The following SLC24A3 variants were observed in gnomAD, a reference collection of about 807,000 sequenced individuals.
The protein encoded by SLC24A3 is sodium/potassium/calcium exchanger 3.
A neutral mutation model predicts 75.8 loss-of-function variants in SLC24A3; 28 were observed. The ratio of observed to expected loss-of-function variants is 0.37; its 90% CI spans 0.27 to 0.51. SLC24A3 has a LOEUF of 0.51. SLC24A3 is among the 20% of genes least tolerant of loss of function. SLC24A3 has a pLI of 0.94. For synonymous variants in SLC24A3, 372 were observed against 334.1 expected (o/e 1.11, Z -1.24); for missense variants, 663 against 847.8 (o/e 0.78, Z 2.71).
chr20:19,507,960 C>A (rs973577501), intron 2 of SLC24A3, among the ~76,000 whole-genome samples: 1 of 152,170 alleles, frequency 6.6e-6, no homozygotes, highest in Admixed American at 6.5e-5. Context: ...TGACAGGGCT[C>A]CTGTCCTCAG....
Position 19,354,043 on chromosome 20 carries a change from G to C in SLC24A3, c.271+72956G>C, listed in dbSNP as rs188235054. On this transcript the variant is annotated intron_variant, in intron 2 of 16. Transcript: ENST00000328041. ...ATTTTATTCTAATAGCTCCAAACTA[G>C]AAAAATCCAGATGTCCTCCAACTGG... 7.4e-4 allele frequency among the ~76,000 whole-genome samples: 113 copies of C among 152,180 alleles called. 1 individual carries two copies. The highest frequency in any genetic ancestry group is 2.2e-3 in the African/African-American group (90 of 41,524).
intron 6 of SLC24A3, among the ~76,000 whole-genome samples, chr20:19,593,866 T>C (rs1028337567): frequency 1.4e-4 from 21 of 152,220 alleles, no homozygotes; most frequent in African/African-American, 4.6e-4. Context: ...GCCCAGAAAA[T>C]GCCTTCTTCC....
intron 2 of SLC24A3, among the ~76,000 whole-genome samples, chr20:19,352,275 T>G (rs1032937862): frequency 6.6e-6 from 1 of 152,158 alleles, no homozygotes. Context: ...TGAGGCCCTA[T>G]CCAGGGGGCC....
chr20:19,241,846 C>T (rs1982337543), intron 1 of SLC24A3, among the ~76,000 whole-genome samples: 2 of 152,172 alleles, frequency 1.3e-5, no homozygotes, highest in Admixed American at 6.5e-5. Context: ...CAATGGGGGT[C>T]ATTTTACTGC....
intron 6 of SLC24A3, among the ~76,000 whole-genome samples, chr20:19,638,450 A>C (rs1159164202): frequency 6.6e-6 from 1 of 152,202 alleles, no homozygotes; most frequent in Non-Finnish European, 1.5e-5. Context: ...ATTTTATTGA[A>C]TATGGGAATA....
At chr20:19,222,059 A>G (rs1015457869) in intron 1 of SLC24A3, among the ~76,000 whole-genome samples, 1 of 151,516 alleles carries the variant, frequency 6.6e-6, no homozygotes, top group Non-Finnish European at 1.5e-5. Flanking sequence ...TCTAATTTCT[A>G]TAGATTTTTT....
At chr20:19,550,878 G>T (rs1437004536) in intron 3 of SLC24A3, among the ~76,000 whole-genome samples, 1 of 152,192 alleles carries the variant, frequency 6.6e-6, no homozygotes, top group Non-Finnish European at 1.5e-5. Context: ...AGCAAATGAG[G>T]CCAGAGGTGA....
chr20:19,370,104 T>C (rs1985966208), intron 2 of SLC24A3, among the ~76,000 whole-genome samples: 1 of 149,408 alleles, frequency 6.7e-6, no homozygotes, highest in African/African-American at 2.6e-5. Context: ...TTAAAGCAAA[T>C]TAAATTCTTA....
chr20:19,462,397 C>T lies in SLC24A3; in HGVS notation c.272-53091C>T, dbSNP rs1296987120. The stretch of plus-strand genomic sequence containing the variant: ...GCCTCAGCCTCCCTAGTAGGGACTA[C>T]GGGCGCCTGACACCACGCCCGGCTA... On this transcript the variant is annotated intron_variant, in intron 2 of 16. Coordinates refer to ENST00000328041, the MANE Select transcript of SLC24A3 (RefSeq NM_020689.4). Among the ~76,000 whole-genome samples, 4 of 152,006 alleles carry T rather than the reference C, an allele frequency of 2.6e-5. No individual in the cohort carries two copies. The South Asian group carries it at 6.2e-4, about 24-fold the overall frequency.
intron 15 of SLC24A3, among the ~76,000 whole-genome samples, chr20:19,711,102 C>G (rs895166705): frequency 1.3e-5 from 2 of 150,564 alleles, no homozygotes; most frequent in African/African-American, 4.9e-5. Flanking sequence ...GGCACATAAA[C>G]ACATGCACAC....
chr20:19,308,616 C>T (rs761661142), intron 2 of SLC24A3, among the ~76,000 whole-genome samples: 4 of 152,176 alleles, frequency 2.6e-5, no homozygotes, highest in Non-Finnish European at 5.9e-5. Context: ...ATGCACTTCG[C>T]AAACCTTTAT....
At chr20:19,315,842 C>A (rs973069458) in intron 2 of SLC24A3, among the ~76,000 whole-genome samples, 1 of 152,204 alleles carries the variant, frequency 6.6e-6, no homozygotes, top group African/African-American at 2.4e-5. Flanking sequence ...AGCCTGTCCA[C>A]AACTGAAAAT....
chr20:19,506,591 G>T (rs112548460), intron 2 of SLC24A3, among the ~76,000 whole-genome samples: 1 of 152,198 alleles, frequency 6.6e-6, no homozygotes, highest in African/African-American at 2.4e-5. Context: ...TTACCCATCT[G>T]TAAATTGGGA....
At chr20:19,660,322 G>C (rs923117763) in intron 7 of SLC24A3, among the ~76,000 whole-genome samples, 1 of 149,030 alleles carries the variant, frequency 6.7e-6, no homozygotes, top group Admixed American at 6.7e-5. Flanking sequence ...CAAAGTCCAT[G>C]CCACCACGCT....
chr20:19,570,541 C>T (rs2031035940), intron 3 of SLC24A3, among the ~76,000 whole-genome samples: 1 of 152,106 alleles, frequency 6.6e-6, no homozygotes, highest in Non-Finnish European at 1.5e-5. Flanking sequence ...ATGCTAGGGA[C>T]CCCCATTTTA....
At chr20:19,671,770 G>C (rs1411098709) in intron 8 of SLC24A3, among the ~76,000 whole-genome samples, 1 of 152,148 alleles carries the variant, frequency 6.6e-6, no homozygotes, top group Admixed American at 6.5e-5. Flanking sequence ...GAGCTGGAGA[G>C]AGGTGTGGTG....
At chr20:19,455,913 G>T (rs560074786) in intron 2 of SLC24A3, among the ~76,000 whole-genome samples, 13 of 152,222 alleles carry the variant, frequency 8.5e-5, no homozygotes, top group Non-Finnish European at 1.6e-4. Context: ...CTTAAGTAAC[G>T]TTTATTAGGC....
chr20:19,593,295 A>T (rs762301703), intron 6 of SLC24A3, among the ~76,000 whole-genome samples: 5 of 152,188 alleles, frequency 3.3e-5, no homozygotes, highest in Non-Finnish European at 7.4e-5. Context: ...ATTGAACCAA[A>T]GCCAGGTCAC....
intron 2 of SLC24A3, among the ~76,000 whole-genome samples, chr20:19,470,433 C>G (rs566801667): frequency 6.6e-6 from 1 of 152,274 alleles, no homozygotes; most frequent in East Asian, 1.9e-4. Flanking sequence ...GCCCAAGAAT[C>G]AACAGAGTGT....
Sources: gnomAD v4.1 joint callset for allele counts (sites outside exome capture counted in the v4.1 genomes callset) on GRCh38, gnomAD v4.1.1 for gene constraint, MANE v1.5 for transcripts, NCBI Gene and HGNC (gene_info 2026-07-23, HGNC 2026-07-21) for gene names.